NRG3: variants seen among roughly 807,000 people sequenced by gnomAD.
NRG3 encodes the protein neuregulin 3.
In NRG3, 31 loss-of-function variants were observed where a neutral mutation model predicts 66.9. The ratio of observed to expected loss-of-function variants is 0.46; its 90% CI spans 0.35 to 0.63. The LOEUF (loss-of-function observed/expected upper bound fraction) is 0.63. NRG3 is among the 20% of genes least tolerant of loss of function. The pLI, the probability that NRG3 is intolerant of heterozygous loss-of-function variation, is 0.00. For synonymous variants in NRG3, 393 were observed against 359.4 expected, an observed-to-expected ratio of 1.09 and a Z score of -1.06; for missense variants, 910 against 878.9, an observed-to-expected ratio of 1.04 and a Z score of -0.45.
chr10:82,185,606 T>C (rs1415808773), intron 1 of NRG3, among the ~76,000 whole-genome samples: 2 of 152,206 alleles, frequency 1.3e-5, no homozygotes, highest in Non-Finnish European at 2.9e-5. Context: ...TAAACATCTA[T>C]TCATACACAC....
intron 1 of NRG3, among the ~76,000 whole-genome samples, chr10:82,272,970 C>T (rs73306614): frequency 0.017 from 2,603 of 152,130 alleles, 78 homozygotes; most frequent in African/African-American, 0.059. Flanking sequence ...CTGCATGTAT[C>T]ATCTGGTTGA....
chr10:82,153,660 A>G (rs1335905452), intron 1 of NRG3, among the ~76,000 whole-genome samples: 2 of 152,012 alleles, frequency 1.3e-5, no homozygotes, highest in East Asian at 3.8e-4. Context: ...TAGTGGCTAC[A>G]CTAATTTACA....
intron 3 of NRG3, chr10:82,843,180 T>A (rs893113128): frequency 2.3e-6 from 1 of 433,846 alleles, no homozygotes; most frequent in East Asian, 7.1e-5. Context: ...GATTTGAATG[T>A]TTGTCCCCTC....
intron 1 of NRG3, among the ~76,000 whole-genome samples, chr10:82,257,887 G>A (rs1284157822): frequency 1.3e-5 from 2 of 152,130 alleles, no homozygotes; most frequent in Non-Finnish European, 2.9e-5. Flanking sequence ...ATTGGAGTTA[G>A]GTAAATCTAA....
chr10:82,362,927 T>A (rs2084282400), intron 2 of NRG3, among the ~76,000 whole-genome samples: 1 of 152,076 alleles, frequency 6.6e-6, no homozygotes, highest in South Asian at 2.1e-4. Flanking sequence ...AAATAAAGCC[T>A]AAGGAAAATA....
intron 1 of NRG3, among the ~76,000 whole-genome samples, chr10:82,188,977 A>T (rs1002714281): frequency 1.3e-5 from 2 of 152,178 alleles, no homozygotes; most frequent in Non-Finnish European, 2.9e-5. Flanking sequence ...GAACATGGAG[A>T]AGGGCAAAAA....
At chr10:82,345,116 T>C in intron 1 of NRG3, among the ~76,000 whole-genome samples, 1 of 138,400 alleles carries the variant, frequency 7.2e-6, no homozygotes, top group African/African-American at 3.2e-5. Flanking sequence ...GCTTTTGGTG[T>C]TTTAGACATG....
chr10:82,401,653 G>T, intron 2 of NRG3, among the ~76,000 whole-genome samples: 1 of 152,102 alleles, frequency 6.6e-6, no homozygotes, highest in South Asian at 2.1e-4. Context: ...AATAATAGGG[G>T]CTATGGAATT....
chr10:82,872,714 T>G (rs1045185668), intron 4 of NRG3, among the ~76,000 whole-genome samples: 1 of 151,370 alleles, frequency 6.6e-6, no homozygotes, highest in Non-Finnish European at 1.5e-5. Context: ...TAAAAAAAGT[T>G]TAGGCAAGAT....
chr10:82,745,841 C>A (rs2058618996), intron 3 of NRG3, among the ~76,000 whole-genome samples: 1 of 152,162 alleles, frequency 6.6e-6, no homozygotes, highest in Non-Finnish European at 1.5e-5. Context: ...GTGCATACTA[C>A]TCCACATATT....
chr10:82,416,195 C>T (rs979955518), intron 2 of NRG3, among the ~76,000 whole-genome samples: 3 of 152,124 alleles, frequency 2.0e-5, no homozygotes, highest in Non-Finnish European at 4.4e-5. Context: ...AAGACAAAGT[C>T]CAAACTCTTT....
At chr10:82,704,096 A>G (rs7922851) in intron 2 of NRG3, among the ~76,000 whole-genome samples, 10,623 of 152,174 alleles carry the variant, frequency 0.07, 1,149 homozygotes, top group African/African-American at 0.23. Flanking sequence ...AAAGACCTAC[A>G]AAATTTCAAC....
At chr10:82,577,030 A>G (rs1450408997) in intron 2 of NRG3, among the ~76,000 whole-genome samples, 1 of 151,618 alleles carries the variant, frequency 6.6e-6, no homozygotes, top group Non-Finnish European at 1.5e-5. Context: ...ACGTTTTATT[A>G]TTTTGTTCCT....
chr10:82,497,729 T>C (rs903643998), intron 2 of NRG3, among the ~76,000 whole-genome samples: 1 of 152,136 alleles, frequency 6.6e-6, no homozygotes, highest in Non-Finnish European at 1.5e-5. Context: ...TTCTTCCAGA[T>C]GGTGATTTCA....
At chr10:82,521,713 C>G (rs2348093) in intron 2 of NRG3, among the ~76,000 whole-genome samples, 169 of 152,280 alleles carry the variant, frequency 1.1e-3, no homozygotes, top group African/African-American at 3.9e-3. Context: ...AAAGATTTCT[C>G]TGTAGCATGT....
intron 2 of NRG3, among the ~76,000 whole-genome samples, chr10:82,696,328 A>T (rs2055378216): frequency 6.6e-6 from 1 of 152,058 alleles, no homozygotes; most frequent in Non-Finnish European, 1.5e-5. Context: ...TGTAATCATG[A>T]TGTATGTGTA....
intron 4 of NRG3, among the ~76,000 whole-genome samples, chr10:82,924,086 CA>C (rs3075657): frequency 0.024 from 1,658 of 69,256 alleles, 14 homozygotes; most frequent in African/African-American, 0.056. Flanking sequence ...GAGACTGTCT[CA>C]AAAAAAAAAA....
intron 2 of NRG3, among the ~76,000 whole-genome samples, chr10:82,634,571 G>T (rs75372724): frequency 0.029 from 4,471 of 152,236 alleles, 83 homozygotes; most frequent in Admixed American, 0.045. Flanking sequence ...AGACCCAGAA[G>T]AGAGCCAATG....
intron 2 of NRG3, among the ~76,000 whole-genome samples, chr10:82,568,997 A>G (rs1487164874): frequency 1.3e-5 from 2 of 151,744 alleles, no homozygotes; most frequent in South Asian, 2.1e-4. Context: ...TCAGGTTCTC[A>G]AGTTCAAATG....
Sources: gnomAD v4.1 joint callset for allele counts (sites outside exome capture counted in the v4.1 genomes callset) on GRCh38, gnomAD v4.1.1 for gene constraint, MANE v1.5 for transcripts, NCBI Gene and HGNC (gene_info 2026-07-23, HGNC 2026-07-21) for gene names.